The following ZMIZ1 variants were observed in gnomAD, a reference collection of about 807,000 sequenced individuals.
ZMIZ1 encodes the protein zinc finger MIZ domain-containing protein 1.
ZMIZ1 carries 17 observed loss-of-function variants against 113.9 expected under a neutral mutation model. The ratio of observed to expected loss-of-function variants is 0.15; its 90% CI spans 0.10 to 0.22. The LOEUF (loss-of-function observed/expected upper bound fraction) is 0.22, where lower values mean the gene tolerates loss of function less well. Among genes scored for constraint, ZMIZ1 ranks in the 10% least tolerant of loss-of-function variants. The pLI, the probability that ZMIZ1 is intolerant of heterozygous loss-of-function variation, is 1.00. For missense variants in ZMIZ1, 1,059 were observed against 1,477.8 expected, an observed-to-expected ratio of 0.72 and a Z score of 4.65; for synonymous variants, 607 against 603.1, an observed-to-expected ratio of 1.01 and a Z score of -0.09.
chr10:79,272,750 G>A (rs904649119), intron 7 of ZMIZ1, among the ~76,000 whole-genome samples: 1 of 152,222 alleles, frequency 6.6e-6, no homozygotes, highest in Non-Finnish European at 1.5e-5. Context: ...GAGGTGAGGG[G>A]AGCTCAGTGG....
Position 79,197,804 on chromosome 10 carries a change from G to T in ZMIZ1, c.-49-3780G>T, listed in dbSNP as rs140103096. Among the ~76,000 whole-genome samples, 780 of 152,094 alleles carry T rather than the reference G, an allele frequency of 5.1e-3. 5 individuals are homozygous for T. The highest frequency in any genetic ancestry group is 0.018 in the African/African-American group (740 of 41,482). On this transcript the variant is annotated intron_variant, in intron 4 of 24. Transcript: ENST00000334512. ...AACTACATTTTCTTATCTGTGCTGT[G>T]CCTGGACCAGTACCTGACTCATAGG...
At chr10:79,150,677 T>A (rs760413251) in intron 3 of ZMIZ1, among the ~76,000 whole-genome samples, 1 of 152,164 alleles carries the variant, frequency 6.6e-6, no homozygotes, top group Admixed American at 6.5e-5. Flanking sequence ...GATAAAGGGT[T>A]TGGGGTGGGT....
chr10:79,230,414 C>T (rs1315445007), intron 7 of ZMIZ1, among the ~76,000 whole-genome samples: 1 of 152,214 alleles, frequency 6.6e-6, no homozygotes, highest in Non-Finnish European at 1.5e-5. Context: ...TTAGCTCTGC[C>T]CCCTCCTGAG....
At chr10:79,304,243 G>A in intron 19 of ZMIZ1, 68 bp downstream of exon 19, 1 of 1,563,534 alleles carries the variant, frequency 6.4e-7, no homozygotes, top group Non-Finnish European at 8.7e-7. Context: ...TGAGGGGTAG[G>A]CAGAGGGGCA....
At chr10:79,082,336 T>C (rs1842686751) in intron 1 of ZMIZ1, among the ~76,000 whole-genome samples, 1 of 152,232 alleles carries the variant, frequency 6.6e-6, no homozygotes, top group African/African-American at 2.4e-5. Context: ...CATTCCGCCT[T>C]GGGTGGCAAC....
chr10:79,292,574 TG>T (rs1368551038), intron 11 of ZMIZ1, among the ~76,000 whole-genome samples: 1 of 152,000 alleles, frequency 6.6e-6, no homozygotes, highest in Non-Finnish European at 1.5e-5. Flanking sequence ...TTGGGTGTGG[TG>T]GGGTGTATGG....
At chr10:79,267,800 C>T (rs1851695424) in intron 7 of ZMIZ1, among the ~76,000 whole-genome samples, 1 of 152,220 alleles carries the variant, frequency 6.6e-6, no homozygotes, top group Non-Finnish European at 1.5e-5. Context: ...CATGGTTCCT[C>T]ACACCAGGCC....
chr10:79,255,795 A>T (rs1850857905), intron 7 of ZMIZ1, among the ~76,000 whole-genome samples: 1 of 152,136 alleles, frequency 6.6e-6, no homozygotes, highest in South Asian at 2.1e-4. Flanking sequence ...TTTCGATTTA[A>T]CAAGCCTGCT....
At chr10:79,257,092 A>G (rs1206465452) in intron 7 of ZMIZ1, among the ~76,000 whole-genome samples, 3 of 152,328 alleles carry the variant, frequency 2.0e-5, no homozygotes, top group South Asian at 4.1e-4. Context: ...GACAACACCA[A>G]TAATTAAGCA....
chr10:79,202,189 G>GAAAAA (rs58021590), intron 5 of ZMIZ1, among the ~76,000 whole-genome samples: 61 of 52,586 alleles, frequency 1.2e-3, no homozygotes, highest in African/African-American at 1.6e-3. Flanking sequence ...CCCTGTCTCA[G>GAAAAA]AAAAAAAAAA....
chr10:79,183,301 T>C (rs1316008795), intron 4 of ZMIZ1, among the ~76,000 whole-genome samples: 1 of 152,124 alleles, frequency 6.6e-6, no homozygotes, highest in Admixed American at 6.5e-5. Flanking sequence ...CTTGGAGGGT[T>C]ATAAATCAGC....
intron 6 of ZMIZ1, among the ~76,000 whole-genome samples, chr10:79,215,483 G>A (rs1848686474): frequency 6.6e-6 from 1 of 152,092 alleles, no homozygotes; most frequent in Non-Finnish European, 1.5e-5. Flanking sequence ...ATTTTTAGGA[G>A]AGACGGGGTT....
intron 1 of ZMIZ1, among the ~76,000 whole-genome samples, chr10:79,109,526 A>G (rs1443040123): frequency 1.3e-5 from 2 of 152,160 alleles, no homozygotes; most frequent in Non-Finnish European, 2.9e-5. Flanking sequence ...CCCCACCTCC[A>G]TATGGATGGT....
chr10:79,293,829 C>A, intron 12 of ZMIZ1, 176 bp downstream of exon 12: 1 of 951,578 alleles, frequency 1.1e-6, no homozygotes, highest in South Asian at 1.4e-5. Context: ...TGCTGTTTCC[C>A]AACTGAAAGA....
rs1229306426 is a variant in ZMIZ1 at position 79,118,699 on chromosome 10, G to A, written c.-336-216G>A. Among the ~76,000 whole-genome samples the A allele has an allele frequency of 1.3e-5, 2 of 152,178 alleles. No individual in the cohort carries two copies. Reference sequence around the variant, plus strand: ...GGCTTTCAGGGCTGCGGGGCTGCTCGGCCGGTGCTGGGGCTTCGAATGTGA... The same window carrying A: ...GGCTTTCAGGGCTGCGGGGCTGCTCAGCCGGTGCTGGGGCTTCGAATGTGA... On this transcript the variant is annotated intron_variant, in intron 1 of 24. Coordinates refer to ENST00000334512, the MANE Select transcript of ZMIZ1 (RefSeq NM_020338.4). The surrounding 1 kb of genome is among the most constrained non-coding windows in gnomAD (Gnocchi z 4.1).
chr10:79,268,898 C>T (rs532776463), intron 7 of ZMIZ1, among the ~76,000 whole-genome samples: 4 of 152,208 alleles, frequency 2.6e-5, no homozygotes, highest in East Asian at 1.9e-4. Context: ...AGAGGAGAAC[C>T]GGCAGGGCTG....
chr10:79,138,419 C>T (rs147326525), intron 2 of ZMIZ1, among the ~76,000 whole-genome samples: 173 of 152,320 alleles, frequency 1.1e-3, no homozygotes, highest in Middle Eastern at 0.01. Flanking sequence ...CTGGGAAAGA[C>T]GCCATTTTGG....
intron 2 of ZMIZ1, among the ~76,000 whole-genome samples, chr10:79,123,880 C>T (rs1406521067): frequency 3.9e-5 from 6 of 152,248 alleles, no homozygotes; most frequent in Admixed American, 3.3e-4. Context: ...CGTGGCCACA[C>T]GGAGCTGGGA....
At chr10:79,098,365 G>A (rs1203933183) in intron 1 of ZMIZ1, among the ~76,000 whole-genome samples, 1 of 152,176 alleles carries the variant, frequency 6.6e-6, no homozygotes, top group Non-Finnish European at 1.5e-5. Flanking sequence ...GAGCTAGACA[G>A]GCAGGCTCCG....
Sources: gnomAD v4.1 joint callset for allele counts (sites outside exome capture counted in the v4.1 genomes callset) on GRCh38, gnomAD v4.1.1 for gene constraint, Gnocchi (gnomAD v3.1) non-coding constraint, MANE v1.5 for transcripts, NCBI Gene and HGNC (gene_info 2026-07-23, HGNC 2026-07-21) for gene names.